Variants in DACH1 observed in about 807,000 individuals in gnomAD.
DACH1 encodes the protein dachshund family transcription factor 1.
DACH1 carries 12 observed loss-of-function variants against 54.2 expected under a neutral mutation model. The observed-to-expected ratio is 0.22, with a 90% CI of 0.14 to 0.36. The LOEUF (loss-of-function observed/expected upper bound fraction) is 0.36. Among genes scored for constraint, DACH1 ranks in the 10% least tolerant of loss-of-function variants. The pLI, the probability that DACH1 is intolerant of heterozygous loss-of-function variation, is 1.00. For synonymous variants in DACH1, 386 were observed against 366.2 expected (o/e 1.05, Z -0.62); for missense variants, 805 against 929.8 (o/e 0.87, Z 1.75).
intron 6 of DACH1, among the ~76,000 whole-genome samples, chr13:71,548,189 G>T (rs958468675): frequency 3.3e-5 from 5 of 152,130 alleles, no homozygotes; most frequent in Admixed American, 3.3e-4. Context: ...ATTTAGTGAT[G>T]ATTAGCCATA....
intron 6 of DACH1, among the ~76,000 whole-genome samples, chr13:71,506,461 T>G (rs1880333410): frequency 6.6e-6 from 1 of 151,850 alleles, no homozygotes; most frequent in African/African-American, 2.4e-5. Flanking sequence ...ACAAAGGACA[T>G]GAACTCATCA....
chr13:71,688,254 T>C (rs1301918349), intron 1 of DACH1, among the ~76,000 whole-genome samples: 1 of 152,222 alleles, frequency 6.6e-6, no homozygotes, highest in Admixed American at 6.5e-5. Flanking sequence ...GATTAATGTA[T>C]GTATATCAAT....
At chr13:71,503,814 A>C (rs74095953) in intron 6 of DACH1, among the ~76,000 whole-genome samples, 327 of 152,348 alleles carry the variant, frequency 2.1e-3, no homozygotes, top group African/African-American at 7.8e-3. Context: ...AGTGACCTTT[A>C]TATCCCTTTT....
chr13:71,726,249 G>A (rs1883464271), intron 1 of DACH1, among the ~76,000 whole-genome samples: 2 of 152,040 alleles, frequency 1.3e-5, no homozygotes, highest in Non-Finnish European at 2.9e-5. Context: ...GGGAAAATGT[G>A]AATTTTCCTA....
At chr13:71,664,761 C>T (rs17088382) in intron 2 of DACH1, among the ~76,000 whole-genome samples, 2,107 of 151,998 alleles carry the variant, frequency 0.014, 34 homozygotes, top group African/African-American at 0.034. Flanking sequence ...GTGACGCCTT[C>T]GTATTTTCCA....
At chr13:71,689,539 A>C (rs1881367861) in intron 1 of DACH1, among the ~76,000 whole-genome samples, 2 of 152,222 alleles carry the variant, frequency 1.3e-5, no homozygotes, top group South Asian at 4.1e-4. Flanking sequence ...AGTTAAAATT[A>C]GCTACTCTGG....
intron 2 of DACH1, among the ~76,000 whole-genome samples, chr13:71,679,941 C>CAAAAAAA: frequency 1.4e-5 from 1 of 70,178 alleles, no homozygotes; most frequent in Non-Finnish European, 2.9e-5. Context: ...GACTCCGTCT[C>CAAAAAAA]AAAAAAAAAA....
chr13:71,741,616 TA>T (rs1884392320), intron 1 of DACH1, among the ~76,000 whole-genome samples: 2 of 152,184 alleles, frequency 1.3e-5, no homozygotes, highest in African/African-American at 4.8e-5. Context: ...TAAGAGAGAT[TA>T]TTTTTTATGC....
intron 1 of DACH1, among the ~76,000 whole-genome samples, chr13:71,700,297 C>T (rs1594111822): frequency 1.3e-5 from 2 of 152,204 alleles, no homozygotes; most frequent in Admixed American, 1.3e-4. Flanking sequence ...GTGGCTCACG[C>T]CTATAATCCC....
chr13:71,810,197 C>T (rs1887657211), intron 1 of DACH1, among the ~76,000 whole-genome samples: 1 of 152,082 alleles, frequency 6.6e-6, no homozygotes, highest in Non-Finnish European at 1.5e-5. Context: ...CAGTTTTTAT[C>T]TAGTTCACAA....
intron 3 of DACH1, among the ~76,000 whole-genome samples, chr13:71,623,934 C>G (rs1594004403): frequency 6.6e-6 from 1 of 151,780 alleles, no homozygotes; most frequent in East Asian, 1.9e-4. Flanking sequence ...TTAAATTAGC[C>G]ATTTATCCTT....
intron 1 of DACH1, among the ~76,000 whole-genome samples, chr13:71,711,424 A>G (rs1290963693): frequency 6.6e-6 from 1 of 152,182 alleles, no homozygotes; most frequent in Admixed American, 6.5e-5. Flanking sequence ...GTCTGCAGGC[A>G]GGTGAAGGAC....
At chr13:71,840,742 G>C (rs1056762467) in intron 1 of DACH1, among the ~76,000 whole-genome samples, 1 of 152,154 alleles carries the variant, frequency 6.6e-6, no homozygotes, top group Non-Finnish European at 1.5e-5. Flanking sequence ...AGGCAGTAAA[G>C]TATGTAAAAA....
chr13:71,637,297 G>A (rs568560489), intron 2 of DACH1, among the ~76,000 whole-genome samples: 4 of 152,238 alleles, frequency 2.6e-5, no homozygotes, highest in Admixed American at 2.0e-4. Flanking sequence ...GCAACAGCCT[G>A]GGCACACATC....
At chr13:71,536,844 T>C (rs1882841750) in intron 6 of DACH1, among the ~76,000 whole-genome samples, 1 of 152,068 alleles carries the variant, frequency 6.6e-6, no homozygotes, top group South Asian at 2.1e-4. Context: ...CTTCAATCAA[T>C]CCATTTCTCT....
At chr13:71,543,322 T>A (rs978877229) in intron 6 of DACH1, among the ~76,000 whole-genome samples, 4 of 152,116 alleles carry the variant, frequency 2.6e-5, no homozygotes, top group African/African-American at 9.6e-5. Flanking sequence ...GCATATTTAA[T>A]CCAGTGTTTT....
chr13:71,460,347 A>G (rs1367841200), intron 10 of DACH1, among the ~76,000 whole-genome samples: 1 of 151,798 alleles, frequency 6.6e-6, no homozygotes, highest in African/African-American at 2.4e-5. Context: ...AAATGTTATC[A>G]GTGTTTTTGG....
chr13:71,816,593 CACACATATGT>C (rs879796141), intron 1 of DACH1, among the ~76,000 whole-genome samples: 1,196 of 49,350 alleles, frequency 0.024, 20 homozygotes, highest in Non-Finnish European at 0.042. Flanking sequence ...TATATATATA[CACACATATGT>C]GTGTATATAT....
At chr13:71,609,192 A>G (rs1411015248) in intron 3 of DACH1, among the ~76,000 whole-genome samples, 1 of 152,172 alleles carries the variant, frequency 6.6e-6, no homozygotes, top group Non-Finnish European at 1.5e-5. Context: ...CTAGTTCTAG[A>G]GAACTATGGA....
Sources: allele counts gnomAD v4.1 joint callset (sites outside exome capture counted in the v4.1 genomes callset), GRCh38; gene constraint gnomAD v4.1.1; transcripts MANE v1.5; gene names NCBI Gene and HGNC (gene_info 2026-07-23, HGNC 2026-07-21).